Variants in ADGRF5 observed in about 807,000 individuals in gnomAD.
ADGRF5 encodes G-protein coupled receptor 116.
Under a neutral mutation model 132.3 loss-of-function variants are expected in ADGRF5, and 75 were observed. The ratio of observed to expected loss-of-function variants is 0.57; its 90% CI spans 0.47 to 0.69. The LOEUF is 0.69. Among genes scored for constraint, ADGRF5 ranks in the 30% least tolerant of loss-of-function variants. The probability of loss-of-function intolerance (pLI) is 0.00; values close to 1 mark genes in which losing one functional copy is unlikely to be tolerated. For synonymous variants in ADGRF5, 629 were observed against 597.6 expected, an observed-to-expected ratio of 1.05 and a Z score of -0.77; for missense variants, 1,516 against 1,630.6, an observed-to-expected ratio of 0.93 and a Z score of 1.21.
At chr6:46,859,849 A>ATTTT (rs1581728701) in intron 16 of ADGRF5, among the ~76,000 whole-genome samples, 5 of 151,524 alleles carry the variant, frequency 3.3e-5, no homozygotes, top group East Asian at 3.9e-4. Flanking sequence ...ATTTTATTTT[A>ATTTT]AATCTTAAGC....
intron 2 of ADGRF5, 75 bp from the exon 3 acceptor site, chr6:46,900,158 C>A: frequency 9.2e-7 from 1 of 1,085,064 alleles, no homozygotes; most frequent in Non-Finnish European, 1.4e-6. Flanking sequence ...GCTTAGATAC[C>A]CCTAAATGTT....
intron 1 of ADGRF5, among the ~76,000 whole-genome samples, chr6:46,938,471 C>T (rs970916316): frequency 4.6e-5 from 7 of 152,204 alleles, no homozygotes; most frequent in Admixed American, 4.6e-4. Flanking sequence ...GCAACAGATT[C>T]TGATAGGTGA....
chr6:46,924,481 G>T (rs373512811), upstream of ADGRF5, among the ~76,000 whole-genome samples: 4 of 152,208 alleles, frequency 2.6e-5, no homozygotes, highest in East Asian at 1.9e-4. Flanking sequence ...TAACGTAAGA[G>T]TGTCTCATAG....
At chr6:46,877,235 C>CTTTCTTTCTTTCTTTCTTTT (rs1771779919) in intron 10 of ADGRF5, among the ~76,000 whole-genome samples, 1 of 26,252 alleles carries the variant, frequency 3.8e-5, no homozygotes, top group Admixed American at 2.8e-4. Context: ...CTCTTTCTTT[C>CTTTCTTTCTTTCTTTCTTTT]TTTCTTTCTT....
intron 14 of ADGRF5, among the ~76,000 whole-genome samples, chr6:46,864,273 A>T (rs1770120993): frequency 6.6e-6 from 1 of 152,158 alleles, no homozygotes; most frequent in African/African-American, 2.4e-5. Context: ...CACCTCAAAG[A>T]TATTATGTGA....
In ADGRF5 at chr6:46,863,479, T is replaced by G. The variant is rs147688752; in HGVS notation, c.1991-383A>C. 7.3e-3 allele frequency among the ~76,000 whole-genome samples: 1,110 copies of G among 152,318 alleles called. 7 individuals are homozygous for G. The highest frequency in any genetic ancestry group is 0.017 in the Middle Eastern group (5 of 294). ...TTTTAAGCCTCCCTGGTGATTCCAG[T>G]GTGCTGTCAAGGTTGAGAATCACTG... On this transcript the variant is annotated intron_variant, in intron 14 of 20. Coordinates refer to ENST00000283296, the MANE Select transcript of ADGRF5 (RefSeq NM_001098518.2).
chr6:46,897,145 T>TATACACACAC lies in ADGRF5; in HGVS notation c.157+2883_157+2884insGTGTGTGTAT, dbSNP rs1554206284. 3.3e-3 allele frequency among the ~76,000 whole-genome samples: 463 copies of TATACACACAC among 141,862 alleles called. 3 individuals carry two copies. The highest frequency in any genetic ancestry group is 0.011 in the African/African-American group (434 of 37,772). The allele number at this position is 141,862 out of a possible 152,430, so 93.1% of individuals were successfully genotyped here. A position where few individuals can be genotyped will look rare whatever the true frequency, so the allele number is the denominator to read the frequency against. On this transcript the variant is annotated intron_variant, in intron 3 of 20. Coordinates refer to ENST00000283296, the MANE Select transcript of ADGRF5 (RefSeq NM_001098518.2). ...ACACAGACATATGCATGCATATATA[T>TATACACACAC]ACACACACACACACACACACACACA... is the stretch of plus-strand genomic sequence containing the variant.
intron 1 of ADGRF5, among the ~76,000 whole-genome samples, chr6:46,953,667 A>ATATATATATATATGTATATATATATG (rs1778602357): frequency 7.7e-6 from 1 of 130,422 alleles, no homozygotes; most frequent in Non-Finnish European, 1.6e-5. Context: ...ATATATATAT[A>ATATATATATATATGTATATATATATG]TATATATATA....
chr6:46,860,632 G>A, intron 16 of ADGRF5, 83 bp downstream of exon 16: 2 of 949,144 alleles, frequency 2.1e-6, no homozygotes, highest in Non-Finnish European at 3.3e-6. Flanking sequence ...GCTGCAATGG[G>A]GAGGAATTAC....
intron 1 of ADGRF5, among the ~76,000 whole-genome samples, chr6:46,909,637 G>T (rs1319647320): frequency 2.6e-5 from 4 of 152,174 alleles, no homozygotes; most frequent in Non-Finnish European, 4.4e-5. Context: ...TTATGCACCA[G>T]GAAGCTTCAC....
intron 17 of ADGRF5, 142 bp from the exon 18 acceptor site, chr6:46,857,050 C>G (rs1769138339): frequency 2.9e-6 from 2 of 679,336 alleles, no homozygotes; most frequent in South Asian, 1.8e-5. Context: ...GTACATGATA[C>G]TGTTCAAAGA....
At chr6:46,912,776 C>A (rs1776072106) in intron 1 of ADGRF5, among the ~76,000 whole-genome samples, 1 of 152,060 alleles carries the variant, frequency 6.6e-6, no homozygotes. Flanking sequence ...TCTTCATGGT[C>A]CAGAACACAT....
chr6:46,896,541 TA>T (rs1774199177), intron 3 of ADGRF5, among the ~76,000 whole-genome samples: 1 of 152,126 alleles, frequency 6.6e-6, no homozygotes, highest in Non-Finnish European at 1.5e-5. Context: ...TAAATTTCTT[TA>T]AAAAACTATT....
At chr6:46,883,959 G>T in intron 5 of ADGRF5, 136 bp downstream of exon 5, 1 of 790,026 alleles carries the variant, frequency 1.3e-6, no homozygotes. Context: ...CCAGGCTGCT[G>T]TCAAAGTCCT....
intron 3 of ADGRF5, 75 bp downstream of exon 3, chr6:46,899,954 A>G: frequency 1.0e-6 from 1 of 1,000,044 alleles, no homozygotes; most frequent in Non-Finnish European, 1.6e-6. Flanking sequence ...TGTAGACTAC[A>G]ATGTTTTAAA....
At chr6:46,883,434 T>TAAAAAA in intron 6 of ADGRF5, 125 bp downstream of exon 6, 1 of 637,994 alleles carries the variant, frequency 1.6e-6, no homozygotes, top group East Asian at 3.0e-5. Context: ...ATCTCAGATG[T>TAAAAAA]AAAAGAATAA....
chr6:46,923,194 G>C (rs1777078149), upstream of ADGRF5, among the ~76,000 whole-genome samples: 1 of 152,196 alleles, frequency 6.6e-6, no homozygotes, highest in South Asian at 2.1e-4. Context: ...CCAAAGTGCT[G>C]GGATTACAGG....
chr6:46,858,563 G>T lies in ADGRF5; in HGVS notation c.3340C>A (p.Arg1114Ser), dbSNP rs774578587. 1.9e-6 allele frequency: 3 copies of T among 1,613,956 alleles called. No individual in the cohort carries two copies. Among genetic ancestry groups the T allele is most frequent in the African/African-American group, 2.7e-5 (2 of 75,002 alleles). Residue 1114 changes from arginine to serine, a missense_variant, in exon 17 of 21, where the codon CGC (arginine) becomes AGC (serine). Coordinates refer to ENST00000283296, the MANE Select transcript of ADGRF5 (RefSeq NM_001098518.2). ...MLTLGLMLFY[R>S]LVFILHETSR... The stretch of plus-strand genomic sequence containing the variant: ...GTTTCATGCAGAATGAAAACCAGGC[G>T]ATAGAACAGCATGAGGCCCAGTGTC...
rs150775343 is a variant in ADGRF5, at chr6:46,888,095, C to T, written c.328+240G>A. ...TATCTTGGGATCACTTTATGACAAG[C>T]ATCATACAAACCACCAAGCAAACCT... On this transcript the variant is annotated intron_variant, in intron 4 of 20. Coordinates refer to ENST00000283296, the MANE Select transcript of ADGRF5 (RefSeq NM_001098518.2). 2.9e-4 allele frequency: 116 copies of T among 402,766 alleles called. 1 individual carries two copies. The highest frequency in any genetic ancestry group is 2.5e-3 in the African/African-American group (110 of 44,778). The allele number at this position is 402,766 out of a possible 1,614,324, so 24.9% of individuals were successfully genotyped here.
Sources: allele counts gnomAD v4.1 joint callset (sites outside exome capture counted in the v4.1 genomes callset), GRCh38; gene constraint gnomAD v4.1.1; transcripts MANE v1.5; gene names NCBI Gene and HGNC (gene_info 2026-07-23, HGNC 2026-07-21).